The following CAMK2D variants were observed in gnomAD, a reference collection of about 807,000 sequenced individuals.
The protein encoded by CAMK2D is calcium/calmodulin dependent protein kinase II delta.
In CAMK2D, 37 loss-of-function variants were observed where a neutral mutation model predicts 84.0. The observed-to-expected ratio is 0.44, with a 90% CI of 0.34 to 0.58. The LOEUF (loss-of-function observed/expected upper bound fraction) is 0.58. CAMK2D is among the 20% of genes least tolerant of loss of function. The pLI, the probability that CAMK2D is intolerant of heterozygous loss-of-function variation, is 0.02. For synonymous variants in CAMK2D, 202 were observed against 212.5 expected (o/e 0.95, Z 0.43); for missense variants, 448 against 652.5 (o/e 0.69, Z 3.41).
In CAMK2D at chr4:113,513,374, T is replaced by C; in HGVS notation, c.904-4A>G. On this transcript the variant is annotated splice_polypyrimidine_tract_variant and splice_region_variant and intron_variant, in intron 11 of 20. Transcript: ENST00000511664. ...GCATAGTTGTCAAGATGGCACCCTG[T>C]GAAAAAAATTAGAACACAAAAGTCA... 3 of 1,606,590 alleles carry C rather than the reference T, an allele frequency of 1.9e-6. No homozygotes were observed. The highest frequency in any genetic ancestry group is 2.6e-6 in the Non-Finnish European group (3 of 1,173,160).
chr4:113,626,198 G>A (rs1045466865), intron 3 of CAMK2D, among the ~76,000 whole-genome samples: 6 of 152,058 alleles, frequency 3.9e-5, no homozygotes, highest in African/African-American at 1.4e-4. Flanking sequence ...CTGGTATACT[G>A]GAATATATGA....
At chr4:113,549,303 G>C (rs936383072) in intron 5 of CAMK2D, among the ~76,000 whole-genome samples, 1 of 152,154 alleles carries the variant, frequency 6.6e-6, no homozygotes, top group African/African-American at 2.4e-5. Flanking sequence ...CAACAATAAA[G>C]GGAGAATTTA....
chr4:113,652,707 C>A (rs551371071), intron 3 of CAMK2D, among the ~76,000 whole-genome samples: 138 of 152,204 alleles, frequency 9.1e-4, no homozygotes, highest in African/African-American at 3.2e-3. Flanking sequence ...ACTTCCAATA[C>A]CCTGTTAGGG....
At chr4:113,760,925 G>C in intron 1 of CAMK2D, 79 bp downstream of exon 1, 1 of 1,573,794 alleles carries the variant, frequency 6.4e-7, no homozygotes, top group South Asian at 1.1e-5. Flanking sequence ...GCCCCAAGAC[G>C]GAGGCCGGTG....
chr4:113,564,543 C>A (rs13104326), intron 4 of CAMK2D, among the ~76,000 whole-genome samples: 456 of 152,076 alleles, frequency 3.0e-3, no homozygotes, highest in Non-Finnish European at 4.2e-3. Flanking sequence ...ATACCCATAT[C>A]TCCTACTAAA....
intron 2 of CAMK2D, among the ~76,000 whole-genome samples, chr4:113,664,474 C>T (rs1239993984): frequency 6.6e-6 from 1 of 152,110 alleles, no homozygotes; most frequent in South Asian, 2.1e-4. Context: ...TCCAAGCTGG[C>T]ATAGTTGTTG....
At chr4:113,494,592 T>A (rs1048593369) in intron 16 of CAMK2D, among the ~76,000 whole-genome samples, 1 of 152,144 alleles carries the variant, frequency 6.6e-6, no homozygotes, top group African/African-American at 2.4e-5. Context: ...GCTGTCTTTT[T>A]GTTTGTCTGT....
intron 15 of CAMK2D, among the ~76,000 whole-genome samples, chr4:113,500,791 A>C (rs903310045): frequency 6.6e-6 from 1 of 152,052 alleles, no homozygotes; most frequent in African/African-American, 2.4e-5. Context: ...TATTTTAGAA[A>C]CTGTGTAAGG....
chr4:113,498,077 T>C (rs778225226), intron 16 of CAMK2D, among the ~76,000 whole-genome samples: 17 of 152,200 alleles, frequency 1.1e-4, no homozygotes, highest in Non-Finnish European at 2.2e-4. Context: ...TGGATGTTAG[T>C]TATAGAATGT....
At chr4:113,704,586 T>G (rs2154350546) in intron 2 of CAMK2D, among the ~76,000 whole-genome samples, 1 of 152,122 alleles carries the variant, frequency 6.6e-6, no homozygotes, top group East Asian at 1.9e-4. Flanking sequence ...TGACATTTTC[T>G]GAGGAGAAAG....
At position 113,572,884 on chromosome 4, in the gene CAMK2D, C is replaced by A. The variant is rs567764026; in HGVS notation, c.276-20788G>T. Among the ~76,000 whole-genome samples the A allele has an allele frequency of 1.8e-4, 27 of 152,304 alleles. No individual in the cohort carries two copies. The East Asian group carries it at 5.2e-3, about 29-fold the overall frequency. On this transcript the variant is annotated intron_variant, in intron 4 of 20. Transcript: ENST00000511664. ...GCCATAAAAAAGGACAAGATCATGT[C>A]TTTTGTGGGAACATGGATGGGGCTG...
chr4:113,734,918 A>G (rs548135714), intron 2 of CAMK2D, among the ~76,000 whole-genome samples: 150 of 151,680 alleles, frequency 9.9e-4, no homozygotes, highest in African/African-American at 3.6e-3. Context: ...AAAGAAGCAG[A>G]AAAATCAACC....
rs1418705446 is a variant in CAMK2D, at chr4:113,509,614, A to G, written c.984+24T>C. The G allele has an allele frequency of 2.0e-6, 3 of 1,508,792 alleles. No homozygotes were observed. The South Asian group carries it at 3.4e-5, about 17-fold the overall frequency. 93.5% of individuals were successfully genotyped at this position (1,508,792 alleles called of 1,614,324 possible). A position where few individuals can be genotyped will look rare whatever the true frequency, so the allele number is the denominator to read the frequency against. Reference sequence around the variant, plus strand: ...TCCAGCATCTGAAAGTCAGAAATGGATTAGGGGCATCTGTTTAACTTACCT... The same window carrying G: ...TCCAGCATCTGAAAGTCAGAAATGGGTTAGGGGCATCTGTTTAACTTACCT... On this transcript the variant is annotated intron_variant, in intron 13 of 20. Coordinates refer to ENST00000511664, the MANE Select transcript of CAMK2D (RefSeq NM_001321571.2).
intron 16 of CAMK2D, among the ~76,000 whole-genome samples, chr4:113,480,817 G>C (rs2097692646): frequency 6.6e-6 from 1 of 152,020 alleles, no homozygotes. Flanking sequence ...CTCCAACCTG[G>C]GTGACAGGGT....
At chr4:113,697,178 A>AT (rs1296278098) in intron 2 of CAMK2D, among the ~76,000 whole-genome samples, 2 of 152,096 alleles carry the variant, frequency 1.3e-5, no homozygotes, top group African/African-American at 4.8e-5. Context: ...TACATATGGA[A>AT]ACATGTATAT....
chr4:113,475,944 T>C (rs1006345724), intron 16 of CAMK2D, among the ~76,000 whole-genome samples: 1 of 152,214 alleles, frequency 6.6e-6, no homozygotes, highest in Admixed American at 6.5e-5. Context: ...ACAAAACATA[T>C]GGGAAAATCA....
At chr4:113,644,102 G>T (rs944915603) in intron 3 of CAMK2D, among the ~76,000 whole-genome samples, 10 of 152,156 alleles carry the variant, frequency 6.6e-5, no homozygotes, top group African/African-American at 1.9e-4. Flanking sequence ...CAACTGAAGT[G>T]ATTCTAACTT....
chr4:113,559,499 C>T (rs1263938322), intron 4 of CAMK2D, among the ~76,000 whole-genome samples: 2 of 152,184 alleles, frequency 1.3e-5, no homozygotes, highest in Admixed American at 6.5e-5. Flanking sequence ...GCCATTGGCT[C>T]ACTGAAGAAT....
chr4:113,761,630 G>A lies in CAMK2D; in HGVS notation c.-562C>T, dbSNP rs2099641600. On this transcript the variant is annotated 5_prime_UTR_variant, in exon 1 of 21. Transcript: ENST00000511664. ...GCTCCGACGAGCGTGCGCGCCCGAG[G>A]CCGGCTTCCCTCCGGCGGGCGGCAG... The A allele has an allele frequency of 3.0e-6, 3 of 985,082 alleles. No homozygotes were observed. The highest frequency in any genetic ancestry group is 6.2e-5 in the Admixed American group (1 of 16,250). 61.0% of individuals were successfully genotyped at this position (985,082 alleles called of 1,614,324 possible). A position where few individuals can be genotyped will look rare whatever the true frequency, so the allele number is the denominator to read the frequency against.
Sources: gnomAD v4.1 joint callset for allele counts (sites outside exome capture counted in the v4.1 genomes callset) on GRCh38, gnomAD v4.1.1 for gene constraint, MANE v1.5 for transcripts, NCBI Gene and HGNC (gene_info 2026-07-23, HGNC 2026-07-21) for gene names.